The following SUSD5 variants were observed in gnomAD, a reference collection of about 807,000 sequenced individuals.
SUSD5 encodes the protein sushi domain-containing protein 5.
In SUSD5, 33 loss-of-function variants were observed where a neutral mutation model predicts 29.5. That is an observed-to-expected ratio of 1.12 (90% CI 0.85 to 1.49). The LOEUF (loss-of-function observed/expected upper bound fraction) is 1.49. Among genes scored for constraint, SUSD5 ranks in the 40% most tolerant of loss-of-function variants. The probability of loss-of-function intolerance (pLI) is 0.00; values close to 1 mark genes in which losing one functional copy is unlikely to be tolerated. For missense variants in SUSD5, 776 were observed against 800.6 expected (o/e 0.97, Z 0.37); for synonymous variants, 308 against 325.3 (o/e 0.95, Z 0.57).
intron 3 of SUSD5, among the ~76,000 whole-genome samples, chr3:33,179,201 G>C (rs913656239): frequency 6.6e-6 from 1 of 152,192 alleles, no homozygotes; most frequent in African/African-American, 2.4e-5. Context: ...TAGGCATAGA[G>C]TTGTTCATAA....
intron 4 of SUSD5, among the ~76,000 whole-genome samples, chr3:33,166,369 A>T (rs141436370): frequency 9.6e-4 from 147 of 152,358 alleles, no homozygotes; most frequent in African/African-American, 3.4e-3. Context: ...AAGATACCTT[A>T]GAAACACTTC....
At chr3:33,183,930 C>CTT (rs68055129) in intron 3 of SUSD5, among the ~76,000 whole-genome samples, 991 of 62,530 alleles carry the variant, frequency 0.016, 26 homozygotes, top group Non-Finnish European at 0.021. Flanking sequence ...TTATTACCCT[C>CTT]TTTTTTTTTT....
At chr3:33,200,721 G>A (rs887647781) in intron 3 of SUSD5, among the ~76,000 whole-genome samples, 3 of 152,176 alleles carry the variant, frequency 2.0e-5, no homozygotes, top group African/African-American at 7.2e-5. Flanking sequence ...GACAATAAAG[G>A]CCATTTTGAT....
At chr3:33,165,740 G>A (rs972234272) in intron 4 of SUSD5, among the ~76,000 whole-genome samples, 2 of 152,158 alleles carry the variant, frequency 1.3e-5, no homozygotes, top group African/African-American at 4.8e-5. Context: ...TAATCTTTGA[G>A]GGACAGAAAA....
At chr3:33,178,270 T>A (rs1447820611) in intron 3 of SUSD5, among the ~76,000 whole-genome samples, 1 of 152,208 alleles carries the variant, frequency 6.6e-6, no homozygotes, top group African/African-American at 2.4e-5. Flanking sequence ...TTCCATAACC[T>A]CTTGATGTGA....
At chr3:33,180,220 T>C (rs1438806466) in intron 3 of SUSD5, among the ~76,000 whole-genome samples, 1 of 152,240 alleles carries the variant, frequency 6.6e-6, no homozygotes, top group South Asian at 2.1e-4. Flanking sequence ...GACAGCTCCA[T>C]GTGTCTTACT....
intron 3 of SUSD5, among the ~76,000 whole-genome samples, chr3:33,189,243 G>A (rs1469996150): frequency 6.6e-6 from 1 of 152,146 alleles, no homozygotes; most frequent in African/African-American, 2.4e-5. Flanking sequence ...ACTTTGGGAG[G>A]CTGAGGTGGG....
intron 3 of SUSD5, among the ~76,000 whole-genome samples, chr3:33,186,262 A>G (rs2031776504): frequency 6.6e-6 from 1 of 151,668 alleles, no homozygotes; most frequent in African/African-American, 2.4e-5. Flanking sequence ...AGATTGCGCC[A>G]CTGCACTCCA....
At position 33,153,069 on chromosome 3, in the gene SUSD5, T is replaced by A. The variant is rs780955878; in HGVS notation, c.1563A>T (p.Pro521=). The change falls in exon 5 of 5, where the codon CCA becomes CCT. Residue 521 remains proline (P), a synonymous_variant. Transcript: ENST00000309558. The part of the protein sequence containing the change: ...PSTIMATTQP[P]VETTVPEIQD... Reference sequence around the variant, plus strand: ...GGATCTCAGGAACAGTGGTTTCTACTGGAGGCTGGGTGGTTGCCATGATCG... The same window carrying A: ...GGATCTCAGGAACAGTGGTTTCTACAGGAGGCTGGGTGGTTGCCATGATCG... The A allele has an allele frequency of 4.3e-6, 7 of 1,613,744 alleles. No individual in the cohort carries two copies. In the East Asian group the frequency reaches 1.6e-4, roughly 36 times the overall value.
chr3:33,194,895 GAATA>G (rs1367863052), intron 3 of SUSD5, among the ~76,000 whole-genome samples: 1 of 152,100 alleles, frequency 6.6e-6, no homozygotes, highest in Non-Finnish European at 1.5e-5. Context: ...TCAGAGGCAA[GAATA>G]AATAATCACT....
Sources: gnomAD v4.1 joint callset for allele counts (sites outside exome capture counted in the v4.1 genomes callset) on GRCh38, gnomAD v4.1.1 for gene constraint, MANE v1.5 for transcripts, NCBI Gene and HGNC (gene_info 2026-07-23, HGNC 2026-07-21) for gene names.